Variants in SFI1 observed in about 807,000 individuals in gnomAD.
SFI1 encodes the protein SFI1 centrin binding protein.
SFI1 carries 195 observed loss-of-function variants against 207.5 expected under a neutral mutation model. The ratio of observed to expected loss-of-function variants is 0.94; its 90% CI spans 0.84 to 1.06. The LOEUF (loss-of-function observed/expected upper bound fraction) is 1.06. Among genes scored for constraint, SFI1 ranks in the 50% least tolerant of loss-of-function variants. The pLI is 0.00. For synonymous variants in SFI1, 630 were observed against 598.9 expected, an observed-to-expected ratio of 1.05 and a Z score of -0.76; for missense variants, 1,634 against 1,588.0, an observed-to-expected ratio of 1.03 and a Z score of -0.49.
chr22:31,611,326 T>TC (rs758771822), intron 23 of SFI1, 23 bp downstream of exon 23: 2 of 1,567,406 alleles, frequency 1.3e-6, no homozygotes, highest in South Asian at 1.2e-5. Context: ...GTGGCAACTC[T>TC]CCAAGTTCTG....
intron 13 of SFI1, among the ~76,000 whole-genome samples, 161 bp from the exon 14 acceptor site, chr22:31,584,907 T>C (rs2064818790): frequency 6.6e-6 from 1 of 152,210 alleles, no homozygotes; most frequent in Non-Finnish European, 1.5e-5. Context: ...TGACAAATTT[T>C]ATATTAGATA....
At chr22:31,521,180 TAAG>T (rs1488393409) in intron 2 of SFI1, 2 of 161,286 alleles carry the variant, frequency 1.2e-5, no homozygotes, top group African/African-American at 4.8e-5. Flanking sequence ...CCTGAGATAA[TAAG>T]AAATACAGGC....
chr22:31,606,452 TG>T, intron 21 of SFI1, 22 bp downstream of exon 21: 1 of 1,602,668 alleles, frequency 6.2e-7, no homozygotes, highest in Non-Finnish European at 8.5e-7. Context: ...GGAGGCAAGC[TG>T]GTCACCCAGG....
In SFI1 at chr22:31,546,853, T is replaced by TG. The variant is rs1602482537; in HGVS notation, c.339-7dup. The TG allele has an allele frequency of 5.8e-6, 9 of 1,550,598 alleles. No individual in the cohort carries two copies. Among genetic ancestry groups the TG allele is most frequent in the Non-Finnish European group, 7.1e-6 (8 of 1,132,666 alleles). On this transcript the variant is annotated splice_region_variant and splice_polypyrimidine_tract_variant and intron_variant, in intron 4 of 32. Transcript: ENST00000400288. ...TCATATATATATATGATTTTTTTTT[T>TG]GCCGTAGATTTTACTATGAGCAGCG...
chr22:31,570,753 A>G (rs1394707524), intron 8 of SFI1, among the ~76,000 whole-genome samples: 1 of 152,126 alleles, frequency 6.6e-6, no homozygotes, highest in Non-Finnish European at 1.5e-5. Flanking sequence ...AAAAAAAGCT[A>G]CTAGGGTGGG....
At chr22:31,615,019 G>A in intron 28 of SFI1, 29 bp from the exon 29 acceptor site, 3 of 1,608,330 alleles carry the variant, frequency 1.9e-6, no homozygotes, top group Non-Finnish European at 2.5e-6. Context: ...CCTGTGGCCT[G>A]ACCAGGCTCT....
intron 22 of SFI1, among the ~76,000 whole-genome samples, chr22:31,609,984 T>C (rs1451645956): frequency 6.6e-6 from 1 of 152,204 alleles, no homozygotes; most frequent in African/African-American, 2.4e-5. Flanking sequence ...TGAAGGACTT[T>C]CCTTAGAGGG....
intron 2 of SFI1, chr22:31,521,573 C>T (rs1425312610): frequency 1.3e-5 from 2 of 152,320 alleles, no homozygotes; most frequent in African/African-American, 4.8e-5. Context: ...CAGTGTCCTG[C>T]TCAGCCTTAA....
At chr22:31,549,481 C>T (rs974353716) in intron 5 of SFI1, among the ~76,000 whole-genome samples, 1 of 151,492 alleles carries the variant, frequency 6.6e-6, no homozygotes. Context: ...CCTCCTGCCT[C>T]AGCCTCCTGA....
chr22:31,554,588 T>G (rs887724465), intron 6 of SFI1, among the ~76,000 whole-genome samples: 2 of 146,930 alleles, frequency 1.4e-5, no homozygotes, highest in African/African-American at 5.0e-5. Flanking sequence ...GATTACAGGC[T>G]TGAGCCACTG....
intron 1 of SFI1, among the ~76,000 whole-genome samples, chr22:31,504,285 T>C (rs1468376924): frequency 2.0e-5 from 3 of 152,192 alleles, no homozygotes; most frequent in Non-Finnish European, 2.9e-5. Flanking sequence ...GATTTATTTA[T>C]AGAAATAATC....
At chr22:31,589,365 C>T in intron 14 of SFI1, 82 bp from the exon 15 acceptor site, 1 of 1,218,664 alleles carries the variant, frequency 8.2e-7, no homozygotes, top group South Asian at 2.5e-5. Flanking sequence ...GGAAGCAATC[C>T]TCCCACAAGG....
intron 3 of SFI1, among the ~76,000 whole-genome samples, chr22:31,529,306 G>A (rs993691439): frequency 6.6e-6 from 1 of 152,172 alleles, no homozygotes; most frequent in Non-Finnish European, 1.5e-5. Context: ...CCAGCACTTT[G>A]GGAGGCCGAG....
intron 7 of SFI1, among the ~76,000 whole-genome samples, chr22:31,557,673 C>G (rs977823555): frequency 6.6e-6 from 1 of 152,000 alleles, no homozygotes; most frequent in Non-Finnish European, 1.5e-5. Context: ...CTTATTTAAC[C>G]CTTACCGTAA....
intron 18 of SFI1, 22 bp from the exon 19 acceptor site, chr22:31,604,287 C>G: frequency 6.4e-7 from 1 of 1,554,406 alleles, no homozygotes; most frequent in Non-Finnish European, 8.7e-7. Flanking sequence ...CCCACGGTAG[C>G]TGCTTTCTCC....
rs768573258 is a variant in SFI1, at chr22:31,616,826, C to T, written c.3382C>T (p.Leu1128Phe). ...LASVPDPHLL[L>F]PGDFSATRAG... ...CAGTGTCCCTGACCCCCATCTACTC[C>T]TTCCTGGGGACTTCTCAGCCACCAG... Residue 1128 changes from leucine to phenylalanine, a missense_variant, in exon 30 of 33, where the codon CTT (leucine) becomes TTT (phenylalanine). Physicochemically the swap from Leu to Phe is conservative, Grantham distance 22. Coordinates refer to ENST00000400288, the MANE Select transcript of SFI1 (RefSeq NM_001007467.3). The T allele has an allele frequency of 3.1e-6, 5 of 1,612,994 alleles. No homozygotes were observed. Among genetic ancestry groups the T allele is most frequent in the Non-Finnish European group, 4.2e-6 (5 of 1,179,446 alleles).
intron 7 of SFI1, chr22:31,559,509 C>T (rs2061472666): frequency 2.6e-5 from 14 of 533,328 alleles, no homozygotes; most frequent in South Asian, 2.3e-4. Flanking sequence ...CTGAAAAGTT[C>T]CAGCGTATTT....
At chr22:31,511,999 G>A (rs7284622) in intron 2 of SFI1, among the ~76,000 whole-genome samples, 33,067 of 151,818 alleles carry the variant, frequency 0.22, 4,607 homozygotes, top group East Asian at 0.44. Flanking sequence ...AAAATGTATC[G>A]TTTAAGATAT....
At chr22:31,513,651 C>T (rs2055995981) in intron 2 of SFI1, among the ~76,000 whole-genome samples, 1 of 151,828 alleles carries the variant, frequency 6.6e-6, no homozygotes, top group East Asian at 2.0e-4. Flanking sequence ...GATCTCAGCT[C>T]ACTGCAACCT....
Sources: allele counts gnomAD v4.1 joint callset (sites outside exome capture counted in the v4.1 genomes callset), GRCh38; gene constraint gnomAD v4.1.1; transcripts MANE v1.5; gene names NCBI Gene and HGNC (gene_info 2026-07-23, HGNC 2026-07-21).